USP33: variants seen among roughly 807,000 people sequenced by gnomAD.
The protein encoded by USP33 is ubiquitin carboxyl-terminal hydrolase 33.
A neutral mutation model predicts 124.2 loss-of-function variants in USP33; 46 were observed. That is an observed-to-expected ratio of 0.37 (90% CI 0.29 to 0.47). The LOEUF (loss-of-function observed/expected upper bound fraction) is 0.47, where lower values mean the gene tolerates loss of function less well. Ranked by LOEUF, USP33 falls within the 20% of genes least tolerant of loss-of-function variation. The probability of loss-of-function intolerance (pLI) is 0.99; values close to 1 mark genes in which losing one functional copy is unlikely to be tolerated. For synonymous variants in USP33, 350 were observed against 352.3 expected (o/e 0.99, Z 0.07); for missense variants, 851 against 1,070.6 (o/e 0.79, Z 2.86).
chr1:77,733,093 T>A (rs1037262942), intron 7 of USP33, among the ~76,000 whole-genome samples: 4 of 151,866 alleles, frequency 2.6e-5, no homozygotes, highest in Non-Finnish European at 5.9e-5. Context: ...ACGCCTGGCC[T>A]AAATGTCTCT....
chr1:77,739,284 A>G lies in USP33; in HGVS notation c.332T>C (p.Ile111Thr). Residue 111 changes from isoleucine to threonine, a missense_variant, in exon 5 of 24, where the codon ATA (isoleucine) becomes ACA (threonine). Ile to Thr is a moderately conservative substitution (Grantham distance 89, BLOSUM62 -1). This residue lies in a region of USP33 where 221 missense variants were observed against 302.9 expected (regional missense o/e 0.73). Coordinates refer to ENST00000370794, the MANE Select transcript of USP33 (RefSeq NM_201624.3). The stretch of plus-strand genomic sequence containing the variant: ...TATTACCTGGACACTGTTTTCTTGT[A>G]TTTGGTGAGGTTGTCTTACATGAGG... ...SLPHVRQPHQ[I>T]QENSVQDFKI... The G allele has an allele frequency of 6.2e-7, 1 of 1,613,074 alleles. No individual in the cohort carries two copies. Among genetic ancestry groups the G allele is most frequent in the Non-Finnish European group, 8.5e-7 (1 of 1,179,704 alleles).
intron 22 of USP33, among the ~76,000 whole-genome samples, chr1:77,698,500 GTT>G (rs796138788): frequency 1.7e-5 from 2 of 116,368 alleles, no homozygotes. Flanking sequence ...GAAATGTTTT[GTT>G]TTTTTTTTTT....
chr1:77,703,196 A>G (rs756726120), intron 21 of USP33, among the ~76,000 whole-genome samples: 98 of 152,116 alleles, frequency 6.4e-4, no homozygotes, highest in Non-Finnish European at 1.2e-3. Context: ...GAACCAAACA[A>G]ATACACCTCT....
At chr1:77,711,199 A>T (rs568334175) in intron 21 of USP33, among the ~76,000 whole-genome samples, 1 of 151,942 alleles carries the variant, frequency 6.6e-6, no homozygotes, top group Admixed American at 6.6e-5. Context: ...AATACATTAA[A>T]AAAAAAAAAA....
intron 1 of USP33, among the ~76,000 whole-genome samples, chr1:77,747,640 T>G (rs1013975312): frequency 6.6e-6 from 1 of 152,224 alleles, no homozygotes; most frequent in African/African-American, 2.4e-5. Flanking sequence ...CCTTTACCAT[T>G]AAAAGGTCTT....
chr1:77,730,166 C>A (rs1158233906), intron 8 of USP33, among the ~76,000 whole-genome samples: 1 of 152,116 alleles, frequency 6.6e-6, no homozygotes, highest in Non-Finnish European at 1.5e-5. Context: ...TTATGCTTCA[C>A]CCCATGACTT....
At chr1:77,733,391 T>TAA (rs755662137) in intron 7 of USP33, among the ~76,000 whole-genome samples, 24 of 128,022 alleles carry the variant, frequency 1.9e-4, no homozygotes, top group African/African-American at 6.0e-4. Flanking sequence ...AGACCCAGCC[T>TAA]AAAAAAAAAA....
At chr1:77,718,468 T>TA in intron 16 of USP33, 128 bp downstream of exon 16, 1 of 777,406 alleles carries the variant, frequency 1.3e-6, no homozygotes, top group Admixed American at 2.7e-5. Flanking sequence ...TGAATAATCT[T>TA]AAAAAGGCAT....
chr1:77,718,346 T>C lies in USP33; in HGVS notation c.1737+250A>G, dbSNP rs1479621028. ...CTTTCTAAGTTCACTGCTATTTGTT[T>C]TTCTAATTTTACACTTTAGACCTGG... is the stretch of plus-strand genomic sequence containing the variant. On this transcript the variant is annotated intron_variant, in intron 16 of 23. Transcript: ENST00000370794. 2.0e-5 allele frequency among the ~76,000 whole-genome samples: 3 copies of C among 152,200 alleles called. No individual in the cohort carries two copies. In the East Asian group the frequency reaches 5.8e-4, roughly 29 times the overall value.
At chr1:77,703,326 C>T (rs1674252930) in intron 21 of USP33, among the ~76,000 whole-genome samples, 1 of 152,170 alleles carries the variant, frequency 6.6e-6, no homozygotes, top group Non-Finnish European at 1.5e-5. Context: ...CTTGACCACC[C>T]TGTTTAAAAC....
At chr1:77,710,803 A>C (rs1341034802) in intron 21 of USP33, among the ~76,000 whole-genome samples, 1 of 152,226 alleles carries the variant, frequency 6.6e-6, no homozygotes, top group Non-Finnish European at 1.5e-5. Context: ...GTCTCAGTAG[A>C]TTTATGAATA....
At chr1:77,748,805 G>A (rs1024267638) in intron 1 of USP33, among the ~76,000 whole-genome samples, 1 of 111,922 alleles carries the variant, frequency 8.9e-6, no homozygotes, top group Non-Finnish European at 1.7e-5. Flanking sequence ...GCTTGAATCA[G>A]GATTGGCAGC....
intron 21 of USP33, among the ~76,000 whole-genome samples, chr1:77,707,798 A>G (rs1392171043): frequency 6.6e-6 from 1 of 152,164 alleles, no homozygotes; most frequent in East Asian, 1.9e-4. Flanking sequence ...CCACGTACAT[A>G]TTTATAAATA....
chr1:77,756,307 C>T (rs1680798316), intron 1 of USP33, among the ~76,000 whole-genome samples: 1 of 152,058 alleles, frequency 6.6e-6, no homozygotes, highest in African/African-American at 2.4e-5. Flanking sequence ...TTTCATCTCA[C>T]ATTTCTTCTA....
intron 5 of USP33, among the ~76,000 whole-genome samples, chr1:77,737,037 A>G (rs1398909928): frequency 6.6e-6 from 1 of 152,034 alleles, no homozygotes; most frequent in Non-Finnish European, 1.5e-5. Context: ...GCTAGTAAAC[A>G]CTTTAAAAAA....
chr1:77,697,860 T>C lies in USP33; in HGVS notation c.2578+3A>G, dbSNP rs745657595. 5.0e-6 allele frequency: 8 copies of C among 1,607,022 alleles called. No individual in the cohort carries two copies. In the Admixed American group the frequency reaches 1.4e-4, roughly 28 times the overall value. ...TAAAAGCTTAAATACGAGTCAAACT[T>C]ACCTTGCCTAAGCATCACATTACCA... On this transcript the variant is annotated splice_donor_region_variant and intron_variant, in intron 23 of 23. Coordinates refer to ENST00000370794, the MANE Select transcript of USP33 (RefSeq NM_201624.3).
chr1:77,732,789 CTTTTTTTTTTT>C (rs939934675), intron 7 of USP33, among the ~76,000 whole-genome samples: 5 of 104,898 alleles, frequency 4.8e-5, no homozygotes, highest in African/African-American at 1.1e-4. Context: ...AATGTCTCTT[CTTTTTTTTTTT>C]TTTTTTTTTT....
At chr1:77,739,553 G>GA in intron 4 of USP33, 136 bp from the exon 5 acceptor site, 1 of 809,182 alleles carries the variant, frequency 1.2e-6, no homozygotes, top group African/African-American at 1.8e-5. Context: ...TTTAGAACAT[G>GA]AAAAAAATTC....
At chr1:77,741,270 AATTTAC>A in intron 3 of USP33, 100 bp downstream of exon 3, 1 of 1,116,320 alleles carries the variant, frequency 9.0e-7, no homozygotes, top group Non-Finnish European at 1.3e-6. Context: ...AAGCAAGTTT[AATTTAC>A]AAAAATCACT....
Sources: allele counts gnomAD v4.1 joint callset (sites outside exome capture counted in the v4.1 genomes callset), GRCh38; gene constraint gnomAD v4.1.1; regional missense constraint gnomAD v4.1.1; transcripts MANE v1.5; gene names NCBI Gene and HGNC (gene_info 2026-07-23, HGNC 2026-07-21).